Variants in MARCHF6 observed in about 807,000 individuals in gnomAD.
MARCHF6 encodes E3 ubiquitin-protein ligase MARCHF6.
Under a neutral mutation model 133.7 loss-of-function variants are expected in MARCHF6, and 31 were observed. That is an observed-to-expected ratio of 0.23 (90% CI 0.17 to 0.31). MARCHF6 has a LOEUF of 0.31. Among genes scored for constraint, MARCHF6 ranks in the 10% least tolerant of loss-of-function variants. The pLI is 1.00. For missense variants in MARCHF6, 723 were observed against 1,121.6 expected, an observed-to-expected ratio of 0.64 and a Z score of 5.08; for synonymous variants, 395 against 402.5, an observed-to-expected ratio of 0.98 and a Z score of 0.22.
At chr5:10,386,741 TAAAA>T (rs990800355) in intron 4 of MARCHF6, among the ~76,000 whole-genome samples, 7 of 152,008 alleles carry the variant, frequency 4.6e-5, no homozygotes. Context: ...GCTCATTCAA[TAAAA>T]AAAAGCAACT....
intron 1 of MARCHF6, among the ~76,000 whole-genome samples, chr5:10,367,573 A>C (rs1257303438): frequency 6.6e-6 from 1 of 152,214 alleles, no homozygotes; most frequent in Non-Finnish European, 1.5e-5. Context: ...TATAACATGT[A>C]CCCCAAAACT....
At chr5:10,426,918 G>A (rs1740116199) in intron 24 of MARCHF6, among the ~76,000 whole-genome samples, 1 of 152,204 alleles carries the variant, frequency 6.6e-6, no homozygotes, top group South Asian at 2.1e-4. Flanking sequence ...AGATGCTAAT[G>A]GGCAACACGT....
At chr5:10,425,897 C>A (rs1412434867) in intron 23 of MARCHF6, among the ~76,000 whole-genome samples, 1 of 152,180 alleles carries the variant, frequency 6.6e-6, no homozygotes, top group African/African-American at 2.4e-5. Flanking sequence ...TTCTTTCATA[C>A]TAAATTTTTA....
rs148926237 is a variant in MARCHF6 at position 10,407,131 on chromosome 5, G to T, written c.1482G>T (p.Met494Ile). The stretch of plus-strand genomic sequence containing the variant: ...TCTTTGGCTCCATTGTCCTCCTGAT[G>T]CTTTGGCTTCCTATACGTATAATTA... ...VIVFGSIVLL[M>I]LWLPIRIIKS... The change falls in exon 17 of 26, where the codon ATG becomes ATT. Residue 494 changes from methionine (M) to isoleucine (I), a missense_variant. By Grantham distance (10) the Met-to-Ile change is conservative. Coordinates refer to ENST00000274140, the MANE Select transcript of MARCHF6 (RefSeq NM_005885.4). The T allele has an allele frequency of 1.1e-5, 18 of 1,613,006 alleles. No homozygotes were observed. In the African/African-American group the frequency reaches 2.0e-4, roughly 18 times the overall value.
chr5:10,399,915 T>C lies in MARCHF6; in HGVS notation c.914-869T>C, dbSNP rs540812359. 2.0e-5 allele frequency among the ~76,000 whole-genome samples: 3 copies of C among 152,308 alleles called. No individual in the cohort carries two copies. The East Asian group carries it at 5.8e-4, about 29-fold the overall frequency. The stretch of plus-strand genomic sequence containing the variant: ...TCATGTTTTACATCTGTCCATCTGC[T>C]TCCTGGATGTCCTCTGCCTTTATCC... On this transcript the variant is annotated intron_variant, in intron 10 of 25. Transcript: ENST00000274140.
intron 22 of MARCHF6, among the ~76,000 whole-genome samples, chr5:10,420,689 G>A (rs1339583906): frequency 3.9e-5 from 6 of 152,154 alleles, no homozygotes; most frequent in African/African-American, 1.2e-4. Flanking sequence ...GATAGAGGAA[G>A]ACAAAAGCAA....
chr5:10,419,136 T>C (rs1739694742), intron 22 of MARCHF6, among the ~76,000 whole-genome samples: 2 of 152,154 alleles, frequency 1.3e-5, no homozygotes, highest in South Asian at 4.1e-4. Context: ...CAGAACTGAC[T>C]TGTGTTTTGA....
intron 11 of MARCHF6, chr5:10,401,163 C>T (rs1026424953): frequency 5.4e-5 from 13 of 238,740 alleles, no homozygotes; most frequent in African/African-American, 2.7e-4. Context: ...CCCCAGGTGC[C>T]CCCTGCTGAA....
intron 5 of MARCHF6, among the ~76,000 whole-genome samples, chr5:10,387,916 C>G (rs146316788): frequency 6.6e-6 from 1 of 152,084 alleles, no homozygotes; most frequent in African/African-American, 2.4e-5. Context: ...CCTGCCTCGG[C>G]CTCTCAAAGT....
rs986846433 is a variant in MARCHF6 at position 10,439,136 on chromosome 5, A to G, written c.*5452A>G. The G allele has an allele frequency of 6.6e-6, 1 of 152,218 alleles. No homozygotes were observed. Among genetic ancestry groups the G allele is most frequent in the Non-Finnish European group, 1.5e-5 (1 of 68,040 alleles). 9.4% of individuals were successfully genotyped at this position (152,218 alleles called of 1,614,324 possible). On this transcript the variant is annotated 3_prime_UTR_variant, in exon 26 of 26. Coordinates refer to ENST00000274140, the MANE Select transcript of MARCHF6 (RefSeq NM_005885.4). ...GATCAGTCCCTTCTGCTGGCTGTGC[A>G]TTGGTCTAATGGAACAGAATAGAGT...
At chr5:10,354,913 A>G (rs930091219) in intron 1 of MARCHF6, among the ~76,000 whole-genome samples, 2 of 152,194 alleles carry the variant, frequency 1.3e-5, no homozygotes, top group African/African-American at 4.8e-5. Flanking sequence ...GTTTGATATT[A>G]TCTATGTAAT....
At chr5:10,382,006 G>A (rs1053013915) in intron 4 of MARCHF6, 63 bp downstream of exon 4, 1 of 1,405,376 alleles carries the variant, frequency 7.1e-7, no homozygotes, top group Non-Finnish European at 9.9e-7. Flanking sequence ...ATATTATAAA[G>A]CAATATTGCA....
intron 1 of MARCHF6, among the ~76,000 whole-genome samples, chr5:10,371,837 A>G (rs192064383): frequency 1.5e-3 from 226 of 152,288 alleles, no homozygotes; most frequent in African/African-American, 5.2e-3. Flanking sequence ...TACCAAATAG[A>G]AATTAAAAGA....
chr5:10,418,892 A>G (rs1739681357), intron 22 of MARCHF6, among the ~76,000 whole-genome samples: 2 of 152,214 alleles, frequency 1.3e-5, no homozygotes, highest in Admixed American at 1.3e-4. Context: ...ATTGTGTAGG[A>G]GAGACATTTA....
chr5:10,363,604 G>A (rs1426129767), intron 1 of MARCHF6, among the ~76,000 whole-genome samples: 1 of 152,084 alleles, frequency 6.6e-6, no homozygotes, highest in Admixed American at 6.5e-5. Flanking sequence ...GTAACCATAT[G>A]ACCCAGAAAT....
intron 1 of MARCHF6, among the ~76,000 whole-genome samples, chr5:10,375,853 GT>G (rs778250314): frequency 1.2e-4 from 18 of 152,174 alleles, no homozygotes; most frequent in Non-Finnish European, 1.8e-4. Flanking sequence ...TCAGCACCCT[GT>G]GTTTAGCTCA....
intron 5 of MARCHF6, among the ~76,000 whole-genome samples, chr5:10,388,751 G>A (rs1227455422): frequency 1.3e-5 from 2 of 152,210 alleles, no homozygotes; most frequent in African/African-American, 4.8e-5. Flanking sequence ...GAAGAAGCTT[G>A]CAGGCCCTCC....
chr5:10,378,640 A>T (rs1319258846), intron 2 of MARCHF6, 119 bp from the exon 3 acceptor site: 1 of 640,286 alleles, frequency 1.6e-6, no homozygotes, highest in Non-Finnish European at 2.6e-6. Flanking sequence ...CTAAATTTGA[A>T]AATTTTGAAA....
At chr5:10,420,168 A>G (rs1739756114) in intron 22 of MARCHF6, among the ~76,000 whole-genome samples, 1 of 152,212 alleles carries the variant, frequency 6.6e-6, no homozygotes. Context: ...GTTCAGGGAA[A>G]TGAGTGACCC....
Sources: allele counts gnomAD v4.1 joint callset (sites outside exome capture counted in the v4.1 genomes callset), GRCh38; gene constraint gnomAD v4.1.1; transcripts MANE v1.5; gene names NCBI Gene and HGNC (gene_info 2026-07-23, HGNC 2026-07-21).